The following PDE8B variants were observed in gnomAD, a reference collection of about 807,000 sequenced individuals.
The protein encoded by PDE8B is phosphodiesterase 8B, also known as high affinity cAMP-specific and IBMX-insensitive 3',5'-cyclic phosphodiesterase 8B.
Under a neutral mutation model 101.3 loss-of-function variants are expected in PDE8B, and 26 were observed. That is an observed-to-expected ratio of 0.26 (90% confidence interval 0.19 to 0.36). The LOEUF is 0.36. Among genes scored for constraint, PDE8B ranks in the 10% least tolerant of loss-of-function variants. The pLI is 1.00. For missense variants in PDE8B, 810 were observed against 1,163.1 expected, an observed-to-expected ratio of 0.70 and a Z score of 4.42; for synonymous variants, 424 against 429.3, an observed-to-expected ratio of 0.99 and a Z score of 0.15.
At chr5:77,167,934 G>A in the PDE8B span, among the ~76,000 whole-genome samples, 13 of 151,998 alleles carry the variant, frequency 8.6e-5, no homozygotes, top group African/African-American at 2.9e-4. Context: ...CACCACACAA[G>A]GGGGTAACAT....
chr5:77,280,352 C>A (rs1189832192), intron 1 of PDE8B, among the ~76,000 whole-genome samples: 2 of 152,172 alleles, frequency 1.3e-5, no homozygotes, highest in Non-Finnish European at 2.9e-5. Context: ...TGTCCTCCTG[C>A]AGGAGGGTGT....
chr5:77,096,824 C>T, the PDE8B span, among the ~76,000 whole-genome samples: 3 of 152,228 alleles, frequency 2.0e-5, no homozygotes, highest in Admixed American at 6.5e-5. Context: ...ATAAGGATAC[C>T]GGTTATATTG....
In PDE8B at chr5:77,411,510, A is replaced by G. The variant is rs6867719; in HGVS notation, c.1531-166A>G. 8.9e-3 allele frequency among the ~76,000 whole-genome samples: 1,352 copies of G among 152,274 alleles called. 25 individuals carry two copies. Among genetic ancestry groups the G allele is most frequent in the African/African-American group, 0.031 (1,292 of 41,562 alleles). Reference sequence around the variant, plus strand: ...TAATAGTTACAGAAGGGAGAGTATCATCTGTCTTATAACTGTTGTGATTTA... The same window carrying G: ...TAATAGTTACAGAAGGGAGAGTATCGTCTGTCTTATAACTGTTGTGATTTA... On this transcript the variant is annotated intron_variant, in intron 14 of 21. Coordinates refer to ENST00000264917, the MANE Select transcript of PDE8B (RefSeq NM_003719.5).
the PDE8B span, among the ~76,000 whole-genome samples, chr5:77,143,037 G>C: frequency 4.6e-5 from 7 of 152,104 alleles, no homozygotes; most frequent in East Asian, 1.4e-3. Flanking sequence ...AGCACCCTAG[G>C]AGACTTCGGG....
intron 1 of PDE8B, among the ~76,000 whole-genome samples, chr5:77,283,037 C>T (rs1020759490): frequency 3.3e-5 from 5 of 152,038 alleles, no homozygotes; most frequent in Admixed American, 2.0e-4. Context: ...TTATTAAATT[C>T]CCTGTAATAT....
Position 77,210,994 on chromosome 5 carries a change from C to T in PDE8B, c.69C>T (p.Ser23=). ...TCTACTGCCGGGACTCGGACGAGTC[C>T]AGCTCGCCCCGCCAGACCACCAGCG... is the stretch of plus-strand genomic sequence containing the variant. ...GVIYCRDSDE[S]SSPRQTTSVS... Residue 23 remains serine, a synonymous_variant, in exon 1 of 22, where the codon TCC becomes TCT. Coordinates refer to ENST00000264917, the MANE Select transcript of PDE8B (RefSeq NM_003719.5). The surrounding 1 kb of genome is among the most constrained non-coding windows in gnomAD (Gnocchi z 4.9). 6.5e-7 allele frequency: 1 copy of T among 1,546,384 alleles called. No homozygotes were observed. The highest frequency in any genetic ancestry group is 1.2e-5 in the South Asian group (1 of 85,450).
chr5:77,144,781 C>G, the PDE8B span: 1 of 151,966 alleles, frequency 6.6e-6, no homozygotes, highest in Non-Finnish European at 1.5e-5. Context: ...CAACTGATAG[C>G]CAGGCCTGGC....
upstream of PDE8B, chr5:77,210,615 C>T (rs1200686819): frequency 3.1e-6 from 3 of 980,602 alleles, no homozygotes; most frequent in Non-Finnish European, 3.6e-6. The surrounding 1 kb of genome is among the most constrained non-coding windows in gnomAD (Gnocchi z 4.9). Context: ...AAGGCGGAGG[C>T]GCGGGGAGCG....
intron 11 of PDE8B, 22 bp downstream of exon 11, chr5:77,400,312 T>G (rs1475022426): frequency 1.4e-6 from 2 of 1,465,210 alleles, no homozygotes; most frequent in Admixed American, 1.7e-5. Context: ...TCAATTGAAC[T>G]CTAACATACT....
intron 1 of PDE8B, among the ~76,000 whole-genome samples, chr5:77,296,704 CTT>C (rs1768658302): frequency 6.6e-6 from 1 of 152,318 alleles, no homozygotes; most frequent in Non-Finnish European, 1.5e-5. Context: ...TATATTGACT[CTT>C]ATTGATTGTG....
the PDE8B span, among the ~76,000 whole-genome samples, chr5:77,195,030 C>A: frequency 1.3e-5 from 2 of 152,202 alleles, no homozygotes; most frequent in African/African-American, 4.8e-5. Context: ...TCCACACTGG[C>A]ATTATGTTTT....
intron 10 of PDE8B, among the ~76,000 whole-genome samples, chr5:77,388,067 C>G (rs1484989688): frequency 6.6e-6 from 1 of 152,102 alleles, no homozygotes; most frequent in African/African-American, 2.4e-5. Flanking sequence ...CCTTCGGAAG[C>G]CTACTTCTGT....
chr5:77,361,581 C>T (rs1371173573), intron 10 of PDE8B, among the ~76,000 whole-genome samples: 1 of 149,490 alleles, frequency 6.7e-6, no homozygotes, highest in Non-Finnish European at 1.5e-5. Context: ...GTGGCGCGAT[C>T]TCGGCTCACT....
At chr5:77,328,863 C>T in intron 3 of PDE8B, 135 bp from the exon 4 acceptor site, 1 of 751,126 alleles carries the variant, frequency 1.3e-6, no homozygotes, top group Non-Finnish European at 2.4e-6. Context: ...TCTTTGTTGT[C>T]TTCTCTGTGT....
chr5:77,309,655 T>G (rs182682049), intron 1 of PDE8B, among the ~76,000 whole-genome samples: 1 of 152,214 alleles, frequency 6.6e-6, no homozygotes, highest in African/African-American at 2.4e-5. Context: ...AGTCTCACTC[T>G]GCTGCCCAGG....
chr5:77,166,325 C>T, the PDE8B span, among the ~76,000 whole-genome samples: 3 of 151,768 alleles, frequency 2.0e-5, no homozygotes, highest in African/African-American at 4.8e-5. Flanking sequence ...TTCAGGCCAC[C>T]GGCTTGTCTT....
the PDE8B span, among the ~76,000 whole-genome samples, chr5:77,153,089 T>A: frequency 6.6e-6 from 1 of 152,052 alleles, no homozygotes; most frequent in African/African-American, 2.4e-5. Flanking sequence ...GGGCATCTGG[T>A]GAGTGGAGGC....
the PDE8B span, among the ~76,000 whole-genome samples, chr5:77,185,123 A>G: frequency 1.3e-5 from 2 of 152,258 alleles, no homozygotes; most frequent in African/African-American, 4.8e-5. Context: ...GGTAAGAACT[A>G]GTCACACAGA....
At chr5:77,198,389 C>T in the PDE8B span, among the ~76,000 whole-genome samples, 1 of 152,068 alleles carries the variant, frequency 6.6e-6, no homozygotes, top group East Asian at 1.9e-4. Context: ...ATTTTAGTAC[C>T]TACTAAACTC....
Sources: gnomAD v4.1 joint callset for allele counts (sites outside exome capture counted in the v4.1 genomes callset) on GRCh38, gnomAD v4.1.1 for gene constraint, Gnocchi (gnomAD v3.1) non-coding constraint, MANE v1.5 for transcripts, NCBI Gene and HGNC (gene_info 2026-07-23, HGNC 2026-07-21) for gene names.